DMD: variants seen among roughly 807,000 people sequenced by gnomAD.
The protein encoded by DMD is mutant dystrophin.
Under a neutral mutation model 330.1 loss-of-function variants are expected in DMD, and 63 were observed. The ratio of observed to expected loss-of-function variants is 0.19; its 90% CI spans 0.16 to 0.24. DMD has a LOEUF of 0.24. DMD is among the 10% of genes least tolerant of loss of function. DMD has a pLI of 1.00. For missense variants in DMD, 3,344 were observed against 2,684.1 expected (o/e 1.25, Z -5.43); for synonymous variants, 1,223 against 959.8 (o/e 1.27, Z -5.07).
intron 54 of DMD, among the ~76,000 whole-genome samples, chrX:31,645,858 G>A (rs1050910004): frequency 8.9e-6 from 1 of 111,909 alleles, no homozygotes; most frequent in African/African-American, 3.2e-5. Flanking sequence ...ACTCCTATGG[G>A]AAAGAAGTCT....
At chrX:32,363,531 G>A (rs1255568382) in intron 36 of DMD, among the ~76,000 whole-genome samples, 1 of 111,888 alleles carries the variant, frequency 8.9e-6, no homozygotes, top group Non-Finnish European at 1.9e-5. Flanking sequence ...CCGGGTCACA[G>A]AGGTTGAAGT....
intron 57 of DMD, among the ~76,000 whole-genome samples, chrX:31,495,947 T>C (rs2069803924): frequency 8.9e-6 from 1 of 112,291 alleles, no homozygotes; most frequent in Non-Finnish European, 1.9e-5. Context: ...ACTGGCAACA[T>C]CTGGCTACTG....
At chrX:31,624,110 C>T (rs2078709661) in intron 55 of DMD, among the ~76,000 whole-genome samples, 1 of 111,512 alleles carries the variant, frequency 9.0e-6, no homozygotes, top group Non-Finnish European at 1.9e-5. Flanking sequence ...GATTCAATTA[C>T]GAATATAGTT....
intron 50 of DMD, among the ~76,000 whole-genome samples, chrX:31,789,168 T>C (rs1249045659): frequency 1.8e-5 from 2 of 111,790 alleles, no homozygotes; most frequent in African/African-American, 6.5e-5. Flanking sequence ...TGCCTTTTTT[T>C]GTTGTCTTCT....
Position 32,676,292 on chromosome X carries a change from G to T in DMD, c.960+21578C>A, listed in dbSNP as rs191729079. On this transcript the variant is annotated intron_variant, in intron 9 of 78. Coordinates refer to ENST00000357033, the MANE Select transcript of DMD (RefSeq NM_004006.3). ...GAATGGCTCAACTTATGTAGCACTT[G>T]CTCTTGTCTTTCCACGAACACAAAG... Among the ~76,000 whole-genome samples the T allele has an allele frequency of 1.4e-4, 16 of 111,168 alleles. No homozygotes were observed. In the Admixed American group the frequency reaches 1.5e-3, roughly 11 times the overall value.
intron 1 of DMD, among the ~76,000 whole-genome samples, chrX:33,169,441 A>G (rs2049227645): frequency 9.0e-6 from 1 of 111,595 alleles, no homozygotes; most frequent in African/African-American, 3.2e-5. Flanking sequence ...CAAAGGACAA[A>G]ACAAAGACAG....
At chrX:31,790,603 T>C (rs1412298647) in intron 50 of DMD, among the ~76,000 whole-genome samples, 4 of 111,522 alleles carry the variant, frequency 3.6e-5, no homozygotes, top group Non-Finnish European at 7.5e-5. Context: ...AAACCATAGA[T>C]GCTACATCTG....
chrX:32,321,026 T>C (rs2097611056), intron 41 of DMD, among the ~76,000 whole-genome samples: 1 of 111,986 alleles, frequency 8.9e-6, no homozygotes, highest in African/African-American at 3.2e-5. Flanking sequence ...CCTAAATCTG[T>C]AAGTAATCTC....
chrX:32,731,645 G>A (rs1291049628), intron 7 of DMD, among the ~76,000 whole-genome samples: 3 of 111,950 alleles, frequency 2.7e-5, no homozygotes, highest in Admixed American at 9.5e-5. Flanking sequence ...CTCCCCAAAA[G>A]GGGCATACTG....
chrX:31,902,890 A>G (rs781258046), intron 47 of DMD, among the ~76,000 whole-genome samples: 2 of 111,463 alleles, frequency 1.8e-5, no homozygotes, highest in African/African-American at 3.3e-5. Flanking sequence ...CAGAGATTTT[A>G]AGGGAAAACC....
intron 9 of DMD, among the ~76,000 whole-genome samples, chrX:32,657,105 T>C (rs145251689): frequency 0.026 from 2,923 of 110,355 alleles, 36 homozygotes; most frequent in Middle Eastern, 0.047. Flanking sequence ...CTTTCTAACT[T>C]ATTTTATATT....
At chrX:33,307,590 G>A (rs2053783134) in intron 1 of DMD, among the ~76,000 whole-genome samples, 1 of 112,004 alleles carries the variant, frequency 8.9e-6, no homozygotes, top group Admixed American at 9.5e-5. Flanking sequence ...CTACTTGGGA[G>A]GCTGAGGCAG....
intron 1 of DMD, among the ~76,000 whole-genome samples, chrX:33,174,934 T>TCTA (rs2049568415): frequency 9.0e-6 from 1 of 111,706 alleles, no homozygotes; most frequent in African/African-American, 3.2e-5. Flanking sequence ...AACGTATGAG[T>TCTA]GTAGATGTCT....
At chrX:31,847,604 A>C (rs1055180470) in intron 48 of DMD, among the ~76,000 whole-genome samples, 4 of 111,784 alleles carry the variant, frequency 3.6e-5, no homozygotes, top group African/African-American at 1.3e-4. Flanking sequence ...ATTATCCTAA[A>C]AATTAAAGAA....
chrX:32,769,529 A>AGG (rs1167746667), intron 7 of DMD, among the ~76,000 whole-genome samples: 1 of 111,751 alleles, frequency 8.9e-6, no homozygotes, highest in Non-Finnish European at 1.9e-5. Flanking sequence ...CATATAAACT[A>AGG]TTGTTTTAAG....
intron 7 of DMD, among the ~76,000 whole-genome samples, chrX:32,726,519 C>G: frequency 9.0e-6 from 1 of 110,975 alleles, no homozygotes; most frequent in South Asian, 3.8e-4. Flanking sequence ...AAATATTTTA[C>G]TCTCCTGGAA....
chrX:32,889,037 G>T (rs2084938069), intron 2 of DMD, among the ~76,000 whole-genome samples: 1 of 110,670 alleles, frequency 9.0e-6, no homozygotes, highest in African/African-American at 3.3e-5. Context: ...GTGTGTTCCT[G>T]AGAGGAGGGG....
In DMD at chrX:32,075,943, A is replaced by G. The variant is rs192880104; in HGVS notation, c.6439-107429T>C. 3.6e-3 allele frequency among the ~76,000 whole-genome samples: 371 copies of G among 104,284 alleles called. 1 individual carries two copies. The highest frequency in any genetic ancestry group is 5.6e-3 in the Non-Finnish European group (284 of 51,167). 90.6% of individuals were successfully genotyped at this position (104,284 alleles called of 115,157 possible). A position where few individuals can be genotyped will look rare whatever the true frequency, so the allele number is the denominator to read the frequency against. On this transcript the variant is annotated intron_variant, in intron 44 of 78. Transcript: ENST00000357033. Reference sequence around the variant, plus strand: ...AGACACTTATAATCCCAGCTACTGGAAGACAGAGGCAGGAGAATCATTTGA... The same window carrying G: ...AGACACTTATAATCCCAGCTACTGGGAGACAGAGGCAGGAGAATCATTTGA...
intron 44 of DMD, among the ~76,000 whole-genome samples, chrX:31,980,933 G>C (rs773712368): frequency 1.1e-4 from 12 of 111,597 alleles, no homozygotes; most frequent in Non-Finnish European, 1.9e-4. Flanking sequence ...CTAACAATCA[G>C]GGCATCCAGC....
Sources: allele counts gnomAD v4.1 joint callset (sites outside exome capture counted in the v4.1 genomes callset), GRCh38; gene constraint gnomAD v4.1.1; transcripts MANE v1.5; gene names NCBI Gene and HGNC (gene_info 2026-07-23, HGNC 2026-07-21).